The following TENM3 variants were observed in gnomAD, a reference collection of about 807,000 sequenced individuals.
TENM3 encodes the protein teneurin-3.
TENM3 carries 63 observed loss-of-function variants against 255.1 expected under a neutral mutation model. The ratio of observed to expected loss-of-function variants is 0.25; its 90% confidence interval spans 0.20 to 0.30. The LOEUF is 0.30. Ranked by LOEUF, TENM3 falls within the 10% of genes least tolerant of loss-of-function variation. The pLI, the probability that TENM3 is intolerant of heterozygous loss-of-function variation, is 1.00. For missense variants in TENM3, 2,929 were observed against 3,461.1 expected, an observed-to-expected ratio of 0.85 and a Z score of 3.86; for synonymous variants, 1,306 against 1,322.3, an observed-to-expected ratio of 0.99 and a Z score of 0.27.
intron 1 of TENM3, among the ~76,000 whole-genome samples, chr4:182,198,598 G>T (rs1753975199): frequency 1.3e-5 from 2 of 152,252 alleles, no homozygotes; most frequent in African/African-American, 4.8e-5. Context: ...ATGGCCCTGG[G>T]ATGTGGAGCA....
At chr4:182,643,174 G>C (rs552186203) in intron 5 of TENM3, among the ~76,000 whole-genome samples, 1 of 152,234 alleles carries the variant, frequency 6.6e-6, no homozygotes, top group East Asian at 1.9e-4. Context: ...CTATATTTAA[G>C]AGTATTTTTC....
chr4:182,136,194 G>A, the TENM3 span, among the ~76,000 whole-genome samples: 2 of 152,002 alleles, frequency 1.3e-5, no homozygotes, highest in African/African-American at 4.8e-5. Flanking sequence ...AAATGTTTTA[G>A]GGAATACCTC....
At chr4:182,730,682 C>G (rs900000845) in intron 15 of TENM3, among the ~76,000 whole-genome samples, 196 bp from the exon 16 acceptor site, 2 of 152,144 alleles carry the variant, frequency 1.3e-5, no homozygotes, top group African/African-American at 4.8e-5. Context: ...AATTGGTGAA[C>G]TTGGTGAATA....
At chr4:182,613,453 G>A (rs1433149897) in intron 4 of TENM3, among the ~76,000 whole-genome samples, 2 of 152,160 alleles carry the variant, frequency 1.3e-5, no homozygotes, top group African/African-American at 4.8e-5. Flanking sequence ...GTACTTGGTT[G>A]TAGACCTGTC....
At chr4:182,719,409 C>T (rs1342937118) in intron 13 of TENM3, among the ~76,000 whole-genome samples, 1 of 151,216 alleles carries the variant, frequency 6.6e-6, no homozygotes, top group South Asian at 2.1e-4. Flanking sequence ...CTATAGGCGC[C>T]CACCACCACG....
At chr4:182,489,230 A>G (rs1716934158) in intron 3 of TENM3, among the ~76,000 whole-genome samples, 1 of 150,898 alleles carries the variant, frequency 6.6e-6, no homozygotes, top group Admixed American at 6.7e-5. Flanking sequence ...GAAATAGTAC[A>G]TTTTATAATG....
the TENM3 span, among the ~76,000 whole-genome samples, chr4:181,969,806 C>T: frequency 2.0e-5 from 3 of 152,198 alleles, no homozygotes; most frequent in African/African-American, 7.2e-5. Context: ...GCAGAAATCT[C>T]ACCCAGGTGC....
the TENM3 span, among the ~76,000 whole-genome samples, chr4:181,791,601 C>T: frequency 6.6e-6 from 1 of 152,148 alleles, no homozygotes; most frequent in Non-Finnish European, 1.5e-5. Flanking sequence ...AGATTCTTTT[C>T]ACCAGTCCAG....
chr4:181,814,456 A>G, the TENM3 span, among the ~76,000 whole-genome samples: 1 of 152,314 alleles, frequency 6.6e-6, no homozygotes, highest in Non-Finnish European at 1.5e-5. Flanking sequence ...GATTGGACAG[A>G]TTGGGTAGAT....
chr4:181,909,613 T>C, the TENM3 span, among the ~76,000 whole-genome samples: 1 of 148,110 alleles, frequency 6.8e-6, no homozygotes, highest in Admixed American at 6.7e-5. Flanking sequence ...CATCATACTG[T>C]ATTTGTTCAT....
At chr4:181,656,462 G>A in the TENM3 span, among the ~76,000 whole-genome samples, 5 of 152,164 alleles carry the variant, frequency 3.3e-5, no homozygotes, top group Non-Finnish European at 7.3e-5. Flanking sequence ...AAGGAAGTGC[G>A]ATTTGGCGGT....
At chr4:182,089,596 C>A in the TENM3 span, among the ~76,000 whole-genome samples, 1 of 152,166 alleles carries the variant, frequency 6.6e-6, no homozygotes, top group Non-Finnish European at 1.5e-5. Context: ...ATTGGACTCT[C>A]TCTCATGTAA....
At chr4:182,603,765 T>TTTTATATATATATG (rs778280837) in intron 4 of TENM3, among the ~76,000 whole-genome samples, 1 of 95,504 alleles carries the variant, frequency 1.0e-5, no homozygotes, top group African/African-American at 2.9e-5. Flanking sequence ...TGGCAATTAT[T>TTTTATATATATATG]TATATATATA....
the TENM3 span, among the ~76,000 whole-genome samples, chr4:182,085,429 C>A: frequency 6.6e-6 from 1 of 152,036 alleles, no homozygotes; most frequent in Non-Finnish European, 1.5e-5. Flanking sequence ...AAATTACACA[C>A]GATTTTTTTT....
intron 3 of TENM3, among the ~76,000 whole-genome samples, chr4:182,377,844 T>C (rs562247368): frequency 2.2e-4 from 34 of 152,312 alleles, no homozygotes; most frequent in East Asian, 3.9e-4. Context: ...TCTCTTAGTA[T>C]ATCACAACAG....
chr4:181,510,592 A>G, the TENM3 span, among the ~76,000 whole-genome samples: 1 of 152,256 alleles, frequency 6.6e-6, no homozygotes, highest in African/African-American at 2.4e-5. Flanking sequence ...TGTAACAAAA[A>G]GGAAACAGAT....
At chr4:181,537,458 C>T in the TENM3 span, among the ~76,000 whole-genome samples, 1 of 152,096 alleles carries the variant, frequency 6.6e-6, no homozygotes, top group African/African-American at 2.4e-5. Context: ...AATTCAAACT[C>T]ATTGAAATAA....
chr4:181,957,934 AAT>A, the TENM3 span, among the ~76,000 whole-genome samples: 4 of 152,270 alleles, frequency 2.6e-5, no homozygotes, highest in Admixed American at 2.6e-4. Context: ...ATGCTTACAA[AAT>A]ATGTTTTTCT....
intron 24 of TENM3, among the ~76,000 whole-genome samples, chr4:182,787,303 A>C (rs1765743365): frequency 6.6e-6 from 1 of 152,220 alleles, no homozygotes; most frequent in African/African-American, 2.4e-5. Flanking sequence ...TTGAAAGCCA[A>C]GGTCAGGCTG....
Sources: gnomAD v4.1 joint callset for allele counts (sites outside exome capture counted in the v4.1 genomes callset) on GRCh38, gnomAD v4.1.1 for gene constraint, MANE v1.5 for transcripts, NCBI Gene and HGNC (gene_info 2026-07-23, HGNC 2026-07-21) for gene names.